The following UBXN2A variants were observed in gnomAD, a reference collection of about 807,000 sequenced individuals.
UBXN2A encodes the protein UBX domain-containing protein 2A.
UBXN2A carries 28 observed loss-of-function variants against 28.4 expected under a neutral mutation model. The ratio of observed to expected loss-of-function variants is 0.99; its 90% CI spans 0.73 to 1.35. UBXN2A has a LOEUF of 1.35. Ranked by LOEUF, UBXN2A falls within the 40% of genes most tolerant of loss-of-function variation. UBXN2A has a pLI of 0.00. For synonymous variants in UBXN2A, 97 were observed against 103.6 expected (o/e 0.94, Z 0.39); for missense variants, 253 against 297.9 (o/e 0.85, Z 1.11).
At chr2:23,984,923 A>G (rs1708064151) in intron 6 of UBXN2A, 92 bp downstream of exon 6, 2 of 1,372,538 alleles carry the variant, frequency 1.5e-6, no homozygotes, top group Middle Eastern at 2.5e-4. Flanking sequence ...TTTTTTAGAG[A>G]TAGAATCTTT....
chr2:23,935,951 C>T (rs1401833223), upstream of UBXN2A, among the ~76,000 whole-genome samples: 1 of 152,038 alleles, frequency 6.6e-6, no homozygotes, highest in African/African-American at 2.4e-5. Flanking sequence ...GTCAGAAAAG[C>T]TGAGGTGAGA....
intron 1 of UBXN2A, among the ~76,000 whole-genome samples, chr2:23,932,796 CAG>C (rs1364204322): frequency 1.2e-4 from 18 of 152,134 alleles, no homozygotes; most frequent in African/African-American, 4.3e-4. Flanking sequence ...ACAGTAAAAA[CAG>C]AAAATCACAA....
At chr2:23,987,783 A>C (rs1409379639) in intron 6 of UBXN2A, among the ~76,000 whole-genome samples, 2 of 151,314 alleles carry the variant, frequency 1.3e-5, no homozygotes, top group South Asian at 2.1e-4. Flanking sequence ...ATCTCAAAAA[A>C]AAAAAAAACA....
chr2:23,993,587 A>G (rs560030773), intron 6 of UBXN2A, among the ~76,000 whole-genome samples: 6 of 152,258 alleles, frequency 3.9e-5, no homozygotes, highest in African/African-American at 1.4e-4. Flanking sequence ...ACTTGTAAAC[A>G]ATATTCACTT....
At chr2:23,930,045 C>A (rs537585084) in intron 1 of UBXN2A, among the ~76,000 whole-genome samples, 1 of 152,120 alleles carries the variant, frequency 6.6e-6, no homozygotes, top group Non-Finnish European at 1.5e-5. Context: ...TGTGCCACCA[C>A]GCCCGGCTAA....
intron 1 of UBXN2A, chr2:23,944,469 G>A (rs139250642): frequency 3.8e-4 from 262 of 691,758 alleles, no homozygotes; most frequent in African/African-American, 3.6e-3. Context: ...ATTCTTTTGC[G>A]CTTTCAGATC....
At chr2:23,973,476 C>T (rs902320883) in intron 3 of UBXN2A, among the ~76,000 whole-genome samples, 6 of 149,488 alleles carry the variant, frequency 4.0e-5, no homozygotes, top group Non-Finnish European at 8.9e-5. Context: ...GTAGCCCGGA[C>T]TACAAGCGCC....
intron 6 of UBXN2A, among the ~76,000 whole-genome samples, chr2:23,994,992 C>A (rs1211438701): frequency 6.6e-6 from 1 of 152,174 alleles, no homozygotes; most frequent in Non-Finnish European, 1.5e-5. Flanking sequence ...AGCTTAAACT[C>A]TAGAGTCTGT....
intron 1 of UBXN2A, among the ~76,000 whole-genome samples, chr2:23,933,736 A>G (rs1183101503): frequency 1.3e-5 from 2 of 151,996 alleles, no homozygotes; most frequent in Non-Finnish European, 2.9e-5. Context: ...GAAAAAAAAC[A>G]AAAACAGAAA....
chr2:23,945,714 A>AT (rs752927428), intron 1 of UBXN2A, among the ~76,000 whole-genome samples: 2 of 151,934 alleles, frequency 1.3e-5, no homozygotes, highest in South Asian at 2.1e-4. Context: ...TTGTTTTTGC[A>AT]TTTTTTCTCC....
intron 2 of UBXN2A, among the ~76,000 whole-genome samples, chr2:23,961,309 T>C (rs1007833608): frequency 7.9e-5 from 12 of 151,754 alleles, no homozygotes; most frequent in African/African-American, 2.7e-4. Context: ...TTGTCCAGGC[T>C]GATCTCGAAC....
At chr2:23,932,005 C>T (rs867157320) in intron 1 of UBXN2A, among the ~76,000 whole-genome samples, 2 of 143,764 alleles carry the variant, frequency 1.4e-5, no homozygotes, top group Non-Finnish European at 3.0e-5. Flanking sequence ...AGCGAGACTC[C>T]GTCTCAAAAA....
Position 23,976,999 on chromosome 2 carries a change from G to C in UBXN2A, c.211G>C (p.Gly71Arg), listed in dbSNP as rs757176118. ...VDVNIKLWKN[G>R]FTVNDDFRSY... ...TGTAAATATAAAATTATGGAAAAAC[G>C]GATTCACCGTCAACGACGATTTCAG... Residue 71 changes from glycine (G) to arginine (R), a missense_variant, in exon 4 of 7, where the codon GGA (glycine) becomes CGA (arginine). Coordinates refer to ENST00000309033, the MANE Select transcript of UBXN2A (RefSeq NM_181713.4). 6.2e-7 allele frequency: 1 copy of C among 1,611,818 alleles called. No individual in the cohort carries two copies. The highest frequency in any genetic ancestry group is 8.5e-7 in the Non-Finnish European group (1 of 1,178,192).
chr2:24,000,059 G>T lies in UBXN2A; in HGVS notation c.*192G>T, dbSNP rs942904875. On this transcript the variant is annotated 3_prime_UTR_variant, in exon 7 of 7. Coordinates refer to ENST00000309033, the MANE Select transcript of UBXN2A (RefSeq NM_181713.4). ...AGCATATGACTGGAAACTATATTCA[G>T]TGCACTTTCTCCAAAAGACTACCCA... The T allele has an allele frequency of 1.3e-5, 7 of 545,762 alleles. No individual in the cohort carries two copies. The highest frequency in any genetic ancestry group is 2.2e-5 in the Non-Finnish European group (7 of 316,304). 33.8% of individuals were successfully genotyped at this position (545,762 alleles called of 1,614,324 possible). A position where few individuals can be genotyped will look rare whatever the true frequency, so the allele number is the denominator to read the frequency against.
At chr2:23,993,394 T>C (rs963770131) in intron 6 of UBXN2A, among the ~76,000 whole-genome samples, 3 of 152,142 alleles carry the variant, frequency 2.0e-5, no homozygotes, top group African/African-American at 4.8e-5. Context: ...AATCAGGCTT[T>C]TTCTTTTCTG....
At chr2:23,944,455 T>G (rs1216394825) in intron 1 of UBXN2A, 2 of 772,276 alleles carry the variant, frequency 2.6e-6, no homozygotes, top group African/African-American at 3.4e-5. Context: ...CCTTATTTGT[T>G]TAGATTCTTT....
At chr2:23,927,640 G>A (rs903156879) in intron 1 of UBXN2A, 1 of 126,622 alleles carries the variant, frequency 7.9e-6, no homozygotes, top group African/African-American at 2.7e-5. Flanking sequence ...AGAAGGGGGG[G>A]GGGAAACACC....
intron 2 of UBXN2A, among the ~76,000 whole-genome samples, chr2:23,965,123 C>G (rs371597868): frequency 6.6e-6 from 1 of 152,160 alleles, no homozygotes; most frequent in Admixed American, 6.6e-5. Flanking sequence ...TCAAGGGGTC[C>G]TCCCACCTCC....
chr2:23,940,708 T>G (rs1284643331), intron 1 of UBXN2A, 60 bp downstream of exon 1: 4 of 151,578 alleles, frequency 2.6e-5, no homozygotes, highest in Non-Finnish European at 2.9e-5. Context: ...GGCGGTCGCC[T>G]GCCGGCTGGG....
Sources: allele counts gnomAD v4.1 joint callset (sites outside exome capture counted in the v4.1 genomes callset), GRCh38; gene constraint gnomAD v4.1.1; transcripts MANE v1.5; gene names NCBI Gene and HGNC (gene_info 2026-07-23, HGNC 2026-07-21).